Variants in FRAS1 observed in about 807,000 individuals in gnomAD.
FRAS1 encodes Fraser extracellular matrix complex subunit 1, also known as extracellular matrix organizing protein FRAS1.
FRAS1 carries 290 observed loss-of-function variants against 435.2 expected under a neutral mutation model. The observed-to-expected ratio is 0.67, with a 90% CI of 0.61 to 0.73. The LOEUF is 0.73. Ranked by LOEUF, FRAS1 falls within the 30% of genes least tolerant of loss-of-function variation. The probability of loss-of-function intolerance (pLI) is 0.00; values close to 1 mark genes in which losing one functional copy is unlikely to be tolerated. For synonymous variants in FRAS1, 1,800 were observed against 1,851.0 expected (o/e 0.97, Z 0.71); for missense variants, 4,860 against 5,001.5 (o/e 0.97, Z 0.85).
At chr4:78,058,711 A>G (rs1739595640) in intron 1 of FRAS1, among the ~76,000 whole-genome samples, 1 of 152,080 alleles carries the variant, frequency 6.6e-6, no homozygotes, top group African/African-American at 2.4e-5. Flanking sequence ...TCATTCTTTT[A>G]CTTCACCCTC....
At chr4:78,282,321 G>A (rs2110180432) in intron 11 of FRAS1, among the ~76,000 whole-genome samples, 1 of 152,296 alleles carries the variant, frequency 6.6e-6, no homozygotes, top group Non-Finnish European at 1.5e-5. Context: ...ATTAAAAGTA[G>A]GCCTGCAAAA....
chr4:78,156,428 G>T lies in FRAS1; in HGVS notation c.109-81082G>T, dbSNP rs147919183. 2.2e-4 allele frequency among the ~76,000 whole-genome samples: 33 copies of T among 151,780 alleles called. No individual in the cohort carries two copies. The East Asian group carries it at 6.4e-3, about 29-fold the overall frequency. ...TTTTGCTTTCCAGATCTTTGGCAGG[G>T]CTAGTATGAAACAATCCAATTAACA... On this transcript the variant is annotated intron_variant, in intron 2 of 73. Transcript: ENST00000512123.
intron 26 of FRAS1, among the ~76,000 whole-genome samples, chr4:78,376,854 A>G (rs1001680175): frequency 3.9e-5 from 6 of 152,050 alleles, no homozygotes; most frequent in African/African-American, 1.2e-4. Flanking sequence ...AGCCAGGCAC[A>G]GTAATGAACG....
chr4:78,299,691 A>G (rs1271834851), intron 14 of FRAS1, among the ~76,000 whole-genome samples: 1 of 152,172 alleles, frequency 6.6e-6, no homozygotes, highest in East Asian at 1.9e-4. Flanking sequence ...AGCAGAAGTG[A>G]TCATTCCACT....
chr4:78,208,230 C>A (rs1723347038), intron 2 of FRAS1, among the ~76,000 whole-genome samples: 1 of 152,120 alleles, frequency 6.6e-6, no homozygotes, highest in African/African-American at 2.4e-5. Context: ...GAAGCTACAT[C>A]CTTAGAAAAA....
At chr4:78,088,257 C>T (rs1207238675) in intron 2 of FRAS1, among the ~76,000 whole-genome samples, 1 of 152,170 alleles carries the variant, frequency 6.6e-6, no homozygotes, top group Non-Finnish European at 1.5e-5. Flanking sequence ...CCCTTCCTTA[C>T]ACCTTATACA....
At chr4:78,081,108 T>TA (rs1158726602) in intron 2 of FRAS1, among the ~76,000 whole-genome samples, 1 of 152,120 alleles carries the variant, frequency 6.6e-6, no homozygotes. Context: ...GGTCATGTGT[T>TA]AAAGACTGTG....
At chr4:78,520,269 T>C (rs866034910) in intron 67 of FRAS1, among the ~76,000 whole-genome samples, 3,712 of 143,392 alleles carry the variant, frequency 0.026, 153 homozygotes, top group African/African-American at 0.089. Context: ...TTTTTTTTTT[T>C]CCTCATTTTT....
chr4:78,296,480 C>G (rs1728150635), intron 14 of FRAS1, among the ~76,000 whole-genome samples: 1 of 152,114 alleles, frequency 6.6e-6, no homozygotes, highest in Non-Finnish European at 1.5e-5. Context: ...GTTTTAGCGT[C>G]TCAGGCAACC....
intron 26 of FRAS1, among the ~76,000 whole-genome samples, chr4:78,376,634 T>C (rs1003280703): frequency 2.0e-5 from 3 of 152,182 alleles, no homozygotes; most frequent in African/African-American, 7.2e-5. Flanking sequence ...ATGAGGAGTC[T>C]GCTTCATGAG....
chr4:78,360,969 C>T (rs777887998), intron 20 of FRAS1, among the ~76,000 whole-genome samples: 35 of 152,194 alleles, frequency 2.3e-4, no homozygotes, highest in Non-Finnish European at 4.6e-4. Context: ...AGTCTTTAGA[C>T]CACTGAACAC....
chr4:78,506,552 C>G (rs900573646), intron 61 of FRAS1, among the ~76,000 whole-genome samples: 2 of 152,216 alleles, frequency 1.3e-5, no homozygotes, highest in South Asian at 2.1e-4. Flanking sequence ...TGGAACCCCC[C>G]GAGTCAGGCA....
chr4:78,438,555 T>A lies in FRAS1; in HGVS notation c.5218-15T>A. The A allele has an allele frequency of 6.2e-7, 1 of 1,613,736 alleles. No homozygotes were observed. On this transcript the variant is annotated splice_polypyrimidine_tract_variant and intron_variant, in intron 38 of 73. Coordinates refer to ENST00000512123, the MANE Select transcript of FRAS1 (RefSeq NM_025074.7). ...AAATGTGCGTTCATGTCCTGCCTCA[T>A]GTTTGCCTCATTAGGATGATTCTTC...
chr4:78,483,733 T>A (rs1457789043), intron 58 of FRAS1, among the ~76,000 whole-genome samples: 4 of 143,678 alleles, frequency 2.8e-5, no homozygotes, highest in Non-Finnish European at 6.1e-5. Flanking sequence ...TTTAACCAGT[T>A]TTTTGTGTGT....
At chr4:78,489,901 T>C (rs1297655292) in intron 59 of FRAS1, among the ~76,000 whole-genome samples, 2 of 137,568 alleles carry the variant, frequency 1.5e-5, no homozygotes, top group African/African-American at 5.3e-5. Flanking sequence ...CAGAGTATTC[T>C]CTTGACAATG....
At chr4:78,181,734 CTTCT>C (rs1367734892) in intron 2 of FRAS1, 1 of 1,610,178 alleles carries the variant, frequency 6.2e-7, no homozygotes, top group Non-Finnish European at 8.5e-7. Flanking sequence ...CGTCTTATTC[CTTCT>C]TTCTTAAGCG....
intron 2 of FRAS1, among the ~76,000 whole-genome samples, chr4:78,103,477 G>C (rs1263900423): frequency 6.6e-6 from 1 of 152,108 alleles, no homozygotes; most frequent in Non-Finnish European, 1.5e-5. Context: ...AGAATAGAGA[G>C]GTGAGCCTAG....
At chr4:78,386,183 C>CT (rs1732210888) in intron 28 of FRAS1, among the ~76,000 whole-genome samples, 2 of 151,996 alleles carry the variant, frequency 1.3e-5, no homozygotes, top group African/African-American at 4.8e-5. Context: ...ATATGAGAAA[C>CT]TTTTATCATT....
chr4:78,210,358 A>G (rs1723451366), intron 2 of FRAS1, among the ~76,000 whole-genome samples: 2 of 152,218 alleles, frequency 1.3e-5, no homozygotes, highest in South Asian at 4.1e-4. Context: ...TAAATTAGCC[A>G]CTGTGATAAG....
Sources: gnomAD v4.1 joint callset for allele counts (sites outside exome capture counted in the v4.1 genomes callset) on GRCh38, gnomAD v4.1.1 for gene constraint, MANE v1.5 for transcripts, NCBI Gene and HGNC (gene_info 2026-07-23, HGNC 2026-07-21) for gene names.